IQCB1: variants seen among roughly 807,000 people sequenced by gnomAD.
The protein encoded by IQCB1 is IQ calmodulin-binding motif-containing protein 1.
IQCB1 carries 56 observed loss-of-function variants against 84.4 expected under a neutral mutation model. The observed-to-expected ratio is 0.66, with a 90% CI of 0.54 to 0.83. The LOEUF is 0.83. Ranked by LOEUF, IQCB1 falls within the 40% of genes least tolerant of loss-of-function variation. The pLI, the probability that IQCB1 is intolerant of heterozygous loss-of-function variation, is 0.00. For synonymous variants in IQCB1, 210 were observed against 234.8 expected, an observed-to-expected ratio of 0.89 and a Z score of 0.96; for missense variants, 629 against 682.1, an observed-to-expected ratio of 0.92 and a Z score of 0.87.
chr3:121,777,309 T>C (rs918319909), intron 13 of IQCB1, among the ~76,000 whole-genome samples: 2 of 152,212 alleles, frequency 1.3e-5, no homozygotes, highest in Non-Finnish European at 2.9e-5. Flanking sequence ...TGAGTGTACC[T>C]ACAGAAACTT....
In IQCB1 at chr3:121,799,257, C is replaced by T. The variant is rs1211245460; in HGVS notation, c.705G>A (p.Leu235=). Residue 235 remains leucine, a synonymous_variant, in exon 8 of 15, where the codon CTG becomes CTA. Coordinates refer to ENST00000310864, the MANE Select transcript of IQCB1 (RefSeq NM_001023570.4). ...TTTCCTGATGGGATTCAGCCATCAA[C>T]AGTAGGAGTTTTGTAGCAGTACTTC... is the stretch of plus-strand genomic sequence containing the variant. ...VIRSTATKLL[L]LMAESHQEIL... is the part of the protein sequence containing the mutation. 1 of 1,610,774 alleles carries T rather than the reference C, an allele frequency of 6.2e-7. No homozygotes were observed. Among genetic ancestry groups the T allele is most frequent in the African/African-American group, 1.3e-5 (1 of 74,758 alleles).
chr3:121,796,738 A>T (rs770215369), intron 9 of IQCB1, among the ~76,000 whole-genome samples: 1 of 152,200 alleles, frequency 6.6e-6, no homozygotes, highest in Non-Finnish European at 1.5e-5. Context: ...TGGGGCTTTC[A>T]TGAGAAATGA....
chr3:121,786,625 C>T (rs185142750), intron 12 of IQCB1, among the ~76,000 whole-genome samples: 2 of 152,142 alleles, frequency 1.3e-5, no homozygotes, highest in African/African-American at 2.4e-5. Flanking sequence ...CCTTTTTGCT[C>T]TTAAACAGAG....
chr3:121,800,201 A>G (rs1245380196), intron 7 of IQCB1, among the ~76,000 whole-genome samples: 3 of 151,944 alleles, frequency 2.0e-5, no homozygotes, highest in African/African-American at 7.2e-5. Flanking sequence ...TTAAAAATCT[A>G]TCAGCAAATT....
intron 8 of IQCB1, among the ~76,000 whole-genome samples, chr3:121,797,891 A>C (rs9839822): frequency 0.032 from 4,855 of 152,100 alleles, 263 homozygotes; most frequent in African/African-American, 0.11. Flanking sequence ...AAATAAATAC[A>C]TAAGGTAAAA....
intron 11 of IQCB1, among the ~76,000 whole-genome samples, 186 bp downstream of exon 11, chr3:121,789,887 T>C (rs1416186972): frequency 2.0e-5 from 3 of 152,142 alleles, no homozygotes; most frequent in Admixed American, 2.0e-4. Flanking sequence ...CGTCAACTAA[T>C]AGGTCTGAAT....
chr3:121,795,729 T>C (rs568934465), intron 9 of IQCB1, among the ~76,000 whole-genome samples, 163 bp from the exon 10 acceptor site: 1 of 152,256 alleles, frequency 6.6e-6, no homozygotes, highest in Non-Finnish European at 1.5e-5. Context: ...ATGTTAGGCT[T>C]GGTAAGGCAA....
chr3:121,794,719 G>C (rs2108559547), intron 10 of IQCB1, among the ~76,000 whole-genome samples: 1 of 152,182 alleles, frequency 6.6e-6, no homozygotes, highest in African/African-American at 2.4e-5. Flanking sequence ...TTGAACCCCA[G>C]AGCTATTTTT....
At chr3:121,829,034 T>A (rs1950546060) in intron 2 of IQCB1, 62 bp from the exon 3 acceptor site, 1 of 862,058 alleles carries the variant, frequency 1.2e-6, no homozygotes, top group Admixed American at 1.8e-5. Flanking sequence ...ACTACCTAAA[T>A]AATGTTTGAA....
At chr3:121,781,653 ACACACACAC>A (rs1301890641) in intron 13 of IQCB1, 81 bp downstream of exon 13, 5 of 985,726 alleles carry the variant, frequency 5.1e-6, no homozygotes, top group Non-Finnish European at 6.0e-6. Flanking sequence ...ACACACACAC[ACACACACAC>A]AATATATGTG....
At chr3:121,828,680 A>C in intron 3 of IQCB1, 48 bp from the exon 4 acceptor site, 1 of 1,327,202 alleles carries the variant, frequency 7.5e-7, no homozygotes, top group Non-Finnish European at 1.1e-6. Flanking sequence ...TAATACATCC[A>C]GGAGCTATTT....
chr3:121,800,174 T>C (rs1949349839), intron 7 of IQCB1, among the ~76,000 whole-genome samples: 1 of 151,930 alleles, frequency 6.6e-6, no homozygotes, highest in Non-Finnish European at 1.5e-5. Context: ...TAAGTCATAT[T>C]TTCCTATTAG....
chr3:121,810,610 G>A (rs1400598270), intron 5 of IQCB1, among the ~76,000 whole-genome samples: 1 of 151,414 alleles, frequency 6.6e-6, no homozygotes, highest in Non-Finnish European at 1.5e-5. Context: ...TAATATATAA[G>A]GAAAAAGAAT....
In IQCB1 at chr3:121,801,917, C is replaced by T. The variant is rs553207935; in HGVS notation, c.588-2543G>A. Among the ~76,000 whole-genome samples the T allele has an allele frequency of 7.1e-5, 10 of 141,236 alleles. No individual in the cohort carries two copies. The South Asian group carries it at 2.0e-3, about 29-fold the overall frequency. 92.7% of individuals were successfully genotyped at this position (141,236 alleles called of 152,430 possible). On this transcript the variant is annotated intron_variant, in intron 7 of 14. Coordinates refer to ENST00000310864, the MANE Select transcript of IQCB1 (RefSeq NM_001023570.4). ...GATGGTATGTTTTTTCCATTTTTAG[C>T]TTGTTAACATAAGTTACAATGACTG...
intron 10 of IQCB1, 46 bp from the exon 11 acceptor site, chr3:121,790,261 G>A (rs1559765810): frequency 2.6e-6 from 4 of 1,558,860 alleles, no homozygotes; most frequent in Admixed American, 1.7e-5. Context: ...TAAATCATAT[G>A]AAAAAATGCA....
chr3:121,828,868 C>T lies in IQCB1; in HGVS notation c.93G>A (p.Lys31=). 6.3e-7 allele frequency: 1 copy of T among 1,580,586 alleles called. No homozygotes were observed. Among genetic ancestry groups the T allele is most frequent in the Non-Finnish European group, 8.7e-7 (1 of 1,150,858 alleles). ...ACAAAAAGATTTTCTTACCTTTTAACTTCAACAGTATAACAGGGACATTCT... is the reference window on the plus strand; with the variant it reads ...ACAAAAAGATTTTCTTACCTTTTAATTTCAACAGTATAACAGGGACATTCT... ...PEQNVPVILL[K]LKEIINITPL... Residue 31 remains lysine (K), a synonymous_variant, in exon 3 of 15, where the codon AAG becomes AAA. Coordinates refer to ENST00000310864, the MANE Select transcript of IQCB1 (RefSeq NM_001023570.4).
At position 121,808,977 on chromosome 3, in the gene IQCB1, G is replaced by A; in HGVS notation, c.426C>T (p.Phe142=). 1.9e-6 allele frequency: 3 copies of A among 1,608,842 alleles called. No individual in the cohort carries two copies. Among genetic ancestry groups the A allele is most frequent in the Non-Finnish European group, 2.6e-6 (3 of 1,176,248 alleles). ...AGAAGAGAGAATCAGTCACAATTTG[G>A]AAAAAGTGTAGTAATTCATCTTTTT... ...AEEKDELLHF[F]QIVTDSLFWL... is the part of the protein sequence containing the mutation. Residue 142 remains phenylalanine, a synonymous_variant, in exon 6 of 15, where the codon TTC becomes TTT. Transcript: ENST00000310864.
chr3:121,821,891 C>T (rs1230462247), intron 5 of IQCB1, among the ~76,000 whole-genome samples: 4 of 152,180 alleles, frequency 2.6e-5, no homozygotes, highest in Admixed American at 2.6e-4. Flanking sequence ...ATGAGTTTAA[C>T]ATTTAAATTT....
At chr3:121,776,025 T>C (rs191222466) in intron 13 of IQCB1, among the ~76,000 whole-genome samples, 179 of 150,918 alleles carry the variant, frequency 1.2e-3, no homozygotes, top group Middle Eastern at 3.4e-3. Context: ...TTAGCATAAT[T>C]ATTTTGAGAT....
Sources: allele counts gnomAD v4.1 joint callset (sites outside exome capture counted in the v4.1 genomes callset), GRCh38; gene constraint gnomAD v4.1.1; transcripts MANE v1.5; gene names NCBI Gene and HGNC (gene_info 2026-07-23, HGNC 2026-07-21).